DES: variants seen among roughly 807,000 people sequenced by gnomAD.
DES encodes the protein cardiomyopathy, dilated 1F (autosomal dominant).
DES carries 34 observed loss-of-function variants against 55.1 expected under a neutral mutation model. The ratio of observed to expected loss-of-function variants is 0.62; its 90% CI spans 0.47 to 0.82. The LOEUF (loss-of-function observed/expected upper bound fraction) is 0.82. Among genes scored for constraint, DES ranks in the 40% least tolerant of loss-of-function variants. The pLI, the probability that DES is intolerant of heterozygous loss-of-function variation, is 0.00. For missense variants in DES, 596 were observed against 645.9 expected (o/e 0.92, Z 0.84); for synonymous variants, 259 against 270.8 (o/e 0.96, Z 0.43).
intron 7 of DES, among the ~76,000 whole-genome samples, chr2:219,424,617 C>T (rs1954504046): frequency 2.0e-5 from 3 of 152,204 alleles, no homozygotes; most frequent in South Asian, 2.1e-4. Flanking sequence ...TCCATTTGAC[C>T]TTTCCTACAC....
chr2:219,425,951 C>T lies in DES; in HGVS notation c.1374C>T (p.Val458=), dbSNP rs727502952. The T allele has an allele frequency of 3.8e-5, 61 of 1,613,888 alleles. No homozygotes were observed. The South Asian group carries it at 6.0e-4, about 16-fold the overall frequency. The change falls in exon 9 of 9, where the codon GTC becomes GTT. Residue 458 remains valine (V), a splice_region_variant and synonymous_variant. Coordinates refer to ENST00000373960, the MANE Select transcript of DES (RefSeq NM_001927.4). ...ACTGGGCTTCTCTTCCTCCCCAGGTCGTCAGTGAGGCCACACAGCAGCAGC... is the reference window on the plus strand; with the variant it reads ...ACTGGGCTTCTCTTCCTCCCCAGGTTGTCAGTGAGGCCACACAGCAGCAGC... The part of the protein sequence containing the change: ...IKTIETRDGE[V]VSEATQQQHE...
chr2:219,419,942 G>A lies in DES; in HGVS notation c.579-153G>A. On this transcript the variant is annotated intron_variant, in intron 1 of 8. Transcript: ENST00000373960. The surrounding 1 kb of genome is among the most constrained non-coding windows in gnomAD (Gnocchi z 4.3). The stretch of plus-strand genomic sequence containing the variant: ...TTCCTGTGCCCTCCCTGGGTGGGTG[G>A]GGCCTCTCCACTCCCTGTCTCTCCT... The A allele has an allele frequency of 1.3e-6, 1 of 769,810 alleles. No homozygotes were observed. Among genetic ancestry groups the A allele is most frequent in the Non-Finnish European group, 2.3e-6 (1 of 439,000 alleles). The allele number at this position is 769,810 out of a possible 1,614,324, so 47.7% of individuals were successfully genotyped here.
In DES at chr2:219,421,252, A is replaced by G; in HGVS notation, c.1024-88A>G. 2.8e-6 allele frequency: 4 copies of G among 1,423,170 alleles called. No homozygotes were observed. The South Asian group carries it at 4.6e-5, about 17-fold the overall frequency. The allele number at this position is 1,423,170 out of a possible 1,614,324, so 88.2% of individuals were successfully genotyped here. Reference sequence around the variant, plus strand: ...GGTTCAACATGGCCTGGACCTGACCATCTGGAGTTGCCTGCCAGCCCCAAA... The same window carrying G: ...GGTTCAACATGGCCTGGACCTGACCGTCTGGAGTTGCCTGCCAGCCCCAAA... On this transcript the variant is annotated intron_variant, in intron 5 of 8. Transcript: ENST00000373960.
In DES at chr2:219,419,771, G is replaced by A. The variant is rs73085263; in HGVS notation, c.579-324G>A. ...GCCACCAAAGTCATAAATATTAATTGAGCAGCTATATTGGCCAGGCTGGAG... is the reference window on the plus strand; with the variant it reads ...GCCACCAAAGTCATAAATATTAATTAAGCAGCTATATTGGCCAGGCTGGAG... On this transcript the variant is annotated intron_variant, in intron 1 of 8. Transcript: ENST00000373960. The surrounding 1 kb of genome is among the most constrained non-coding windows in gnomAD (Gnocchi z 4.3). Among the ~76,000 whole-genome samples, 2,408 of 152,286 alleles carry A rather than the reference G, an allele frequency of 0.016. 60 individuals carry two copies. The highest frequency in any genetic ancestry group is 0.054 in the African/African-American group (2,253 of 41,522).
At chr2:219,425,383 A>T in intron 7 of DES, 1 of 459,894 alleles carries the variant, frequency 2.2e-6, no homozygotes, top group Non-Finnish European at 4.0e-6. Flanking sequence ...CCTGGGCCTC[A>T]GGTGTCCCCT....
chr2:219,422,227 A>C (rs1362645114), intron 6 of DES, among the ~76,000 whole-genome samples: 1 of 152,062 alleles, frequency 6.6e-6, no homozygotes, highest in Non-Finnish European at 1.5e-5. Flanking sequence ...AGATAGAGGC[A>C]AATAGAGAGA....
At chr2:219,421,678 T>C in intron 6 of DES, 118 bp downstream of exon 6, 1 of 975,586 alleles carries the variant, frequency 1.0e-6, no homozygotes, top group Non-Finnish European at 1.5e-6. Flanking sequence ...AATTTTTTTT[T>C]TTTTTGAGAT....
Position 219,418,740 on chromosome 2 carries a change from T to C in DES, c.278T>C (p.Leu93Pro). 6.4e-7 allele frequency: 1 copy of C among 1,561,804 alleles called. No homozygotes were observed. Among genetic ancestry groups the C allele is most frequent in the Non-Finnish European group, 8.7e-7 (1 of 1,152,444 alleles). The change falls in exon 1 of 9, where the codon CTG becomes CCG. Residue 93 changes from leucine to proline, a missense_variant. Coordinates refer to ENST00000373960, the MANE Select transcript of DES (RefSeq NM_001927.4). ...GCAGGCGAGCTGCTGGACTTCTCAC[T>C]GGCCGACGCGGTGAACCAGGAGTTT... ...YGAGELLDFSLADAVNQEFLT... is the reference protein window; with the variant it reads ...YGAGELLDFSPADAVNQEFLT...
rs1458306248 is a variant in DES, at chr2:219,418,927, C to A, written c.465C>A (p.Tyr155Ter). The A allele has an allele frequency of 6.4e-7, 1 of 1,561,018 alleles. No homozygotes were observed. Among genetic ancestry groups the A allele is most frequent in the Non-Finnish European group, 8.7e-7 (1 of 1,152,364 alleles). Residue 155 changes from tyrosine (Y) to a stop codon, truncating the protein, a stop_gained, in exon 1 of 9, where the codon TAC becomes TAA. Transcript: ENST00000373960. LOFTEE classifies it high-confidence loss of function. ...AGCCGACGCGAGTGGCCGAGCTCTA[C>A]GAGGAGGAGCTGCGGGAGCTGCGGC... ...GREPTRVAEL[Y>*]EEELRELRRQ...
chr2:219,420,943 T>C lies in DES; in HGVS notation c.1013T>C (p.Leu338Pro), dbSNP rs57496341. 6.2e-7 allele frequency: 1 copy of C among 1,613,562 alleles called. No individual in the cohort carries two copies. The highest frequency in any genetic ancestry group is 1.3e-5 in the African/African-American group (1 of 75,026). ...TCCTACACCTGCGAGATTGACGCCCTGAAGGGCACTGTGAGTCCCTGCCCA... is the reference window on the plus strand; with the variant it reads ...TCCTACACCTGCGAGATTGACGCCCCGAAGGGCACTGTGAGTCCCTGCCCA... ...IQSYTCEIDALKGTNDSLMRQ... is the reference protein window; with the variant it reads ...IQSYTCEIDAPKGTNDSLMRQ... Residue 338 changes from leucine to proline, a missense_variant, in exon 5 of 9, where the codon CTG becomes CCG. Physicochemically the swap from Leu to Pro is moderately conservative, Grantham distance 98. Transcript: ENST00000373960. This position sits in a 1 kb window ranked among gnomAD's most constrained non-coding sequence, Gnocchi z 6.0.
In DES at chr2:219,426,054, G is replaced by T; in HGVS notation, c.*64G>T. The T allele has an allele frequency of 6.3e-7, 1 of 1,586,914 alleles. No homozygotes were observed. The highest frequency in any genetic ancestry group is 8.6e-7 in the Non-Finnish European group (1 of 1,157,474). ...CTGTCCTCACTGCTCCCTGAAGCCA[G>T]CCTTCTTCCATCCCAGGACACCACA... On this transcript the variant is annotated 3_prime_UTR_variant, in exon 9 of 9. Transcript: ENST00000373960. The surrounding 1 kb of genome is among the most constrained non-coding windows in gnomAD (Gnocchi z 4.5).
Position 219,418,558 on chromosome 2 carries a change from G to C in DES, c.96G>C (p.Ser32=). 1.2e-6 allele frequency: 2 copies of C among 1,603,500 alleles called. No homozygotes were observed. The highest frequency in any genetic ancestry group is 1.7e-6 in the Non-Finnish European group (2 of 1,175,854). ...TCCCACTCGGCTCCCCGCTGAGTTC[G>C]CCCGTGTTCCCGCGGGCGGGTTTCG... ...PGFPLGSPLS[S]PVFPRAGFGS... Residue 32 remains serine, a synonymous_variant, in exon 1 of 9, where the codon TCG becomes TCC. Transcript: ENST00000373960.
intron 5 of DES, 43 bp from the exon 6 acceptor site, chr2:219,421,297 T>A (rs371688004): frequency 2.2e-5 from 36 of 1,608,224 alleles, no homozygotes; most frequent in Non-Finnish European, 3.0e-5. Context: ...GGGCTGCTAG[T>A]GTCCTCTTCC....
rs1289575504 is a variant in DES at position 219,420,009 on chromosome 2, C to T, written c.579-86C>T. ...CAGGCCCTCCCGCTCTGTCCTGGAC[C>T]CACCCCCTGGTCAGCCCCCGGCCAG... On this transcript the variant is annotated intron_variant, in intron 1 of 8. Coordinates refer to ENST00000373960, the MANE Select transcript of DES (RefSeq NM_001927.4). The surrounding 1 kb of genome is among the most constrained non-coding windows in gnomAD (Gnocchi z 6.0). 4 of 1,451,514 alleles carry T rather than the reference C, an allele frequency of 2.8e-6. No individual in the cohort carries two copies. Among genetic ancestry groups the T allele is most frequent in the Non-Finnish European group, 3.9e-6 (4 of 1,033,852 alleles). The allele number at this position is 1,451,514 out of a possible 1,614,324, so 89.9% of individuals were successfully genotyped here.
In DES at chr2:219,426,014, A is replaced by C; in HGVS notation, c.*24A>C. 1 of 1,613,830 alleles carries C rather than the reference A, an allele frequency of 6.2e-7. No individual in the cohort carries two copies. The highest frequency in any genetic ancestry group is 8.5e-7 in the Non-Finnish European group (1 of 1,179,898). ...AAAGACAGAGACCCTCTGCCACCAG[A>C]GACCGTCCTCACCCCTGTCCTCACT... On this transcript the variant is annotated 3_prime_UTR_variant, in exon 9 of 9. Transcript: ENST00000373960. This position sits in a 1 kb window ranked among gnomAD's most constrained non-coding sequence, Gnocchi z 4.5.
At position 219,418,403 on chromosome 2, in the gene DES, G is replaced by C. The variant is rs1954355301; in HGVS notation, c.-60G>C. ...TCTCCCCTCGCCGCATCCACTCTCC[G>C]GCCGGCCGCCTGCCCGCCGCCTCCT... is the stretch of plus-strand genomic sequence containing the variant. On this transcript the variant is annotated 5_prime_UTR_variant, in exon 1 of 9. Transcript: ENST00000373960. The C allele has an allele frequency of 3.3e-6, 5 of 1,505,934 alleles. No individual in the cohort carries two copies. Among genetic ancestry groups the C allele is most frequent in the Admixed American group, 2.1e-5 (1 of 47,962 alleles). 93.3% of individuals were successfully genotyped at this position (1,505,934 alleles called of 1,614,324 possible).
intron 5 of DES, 64 bp from the exon 6 acceptor site, chr2:219,421,276 A>G: frequency 6.3e-7 from 1 of 1,591,804 alleles, no homozygotes; most frequent in African/African-American, 1.3e-5. Context: ...GCCAGCCCCA[A>G]AGCTTTCTTT....
In DES at chr2:219,425,187, G is replaced by A. The variant is rs73991546; in HGVS notation, c.1289-476G>A. 1,225 of 169,122 alleles carry A rather than the reference G, an allele frequency of 7.2e-3. 16 individuals are homozygous for A. The highest frequency in any genetic ancestry group is 0.027 in the African/African-American group (1,148 of 41,936). The allele number at this position is 169,122 out of a possible 1,614,324, so 10.5% of individuals were successfully genotyped here. A position where few individuals can be genotyped will look rare whatever the true frequency, so the allele number is the denominator to read the frequency against. On this transcript the variant is annotated intron_variant, in intron 7 of 8. Transcript: ENST00000373960. ...ACTGGGATTACAGATGTGAGCCACCGCACCTGGCCCTGAAATCTTAAAGGG... is the reference window on the plus strand; with the variant it reads ...ACTGGGATTACAGATGTGAGCCACCACACCTGGCCCTGAAATCTTAAAGGG...
rs1050510822 is a variant in DES at position 219,419,014 on chromosome 2, C to T, written c.552C>T (p.Leu184=). 1.6e-5 allele frequency: 25 copies of T among 1,545,320 alleles called. No individual in the cohort carries two copies. The highest frequency in any genetic ancestry group is 2.1e-5 in the Non-Finnish European group (24 of 1,147,396). ...ARVDVERDNL[L]DDLQRLKAKL... is the part of the protein sequence containing the mutation. The stretch of plus-strand genomic sequence containing the variant: ...TCGACGTCGAGCGCGACAACCTGCT[C>T]GACGACCTGCAGCGGCTCAAGGCCA... The change falls in exon 1 of 9, where the codon CTC becomes CTT. Residue 184 remains leucine, a synonymous_variant. Transcript: ENST00000373960. The surrounding 1 kb of genome is among the most constrained non-coding windows in gnomAD (Gnocchi z 4.3).
Sources: allele counts gnomAD v4.1 joint callset (sites outside exome capture counted in the v4.1 genomes callset), GRCh38; gene constraint gnomAD v4.1.1; non-coding constraint Gnocchi (gnomAD v3.1); transcripts MANE v1.5; gene names NCBI Gene and HGNC (gene_info 2026-07-23, HGNC 2026-07-21).